Variants in PLEKHA6 observed in about 807,000 individuals in gnomAD.
PLEKHA6 encodes pleckstrin homology domain containing A6.
In PLEKHA6, 60 loss-of-function variants were observed where a neutral mutation model predicts 116.7. That is an observed-to-expected ratio of 0.51 (90% CI 0.42 to 0.64). The LOEUF (loss-of-function observed/expected upper bound fraction) is 0.64, where lower values mean the gene tolerates loss of function less well. PLEKHA6 is among the 30% of genes least tolerant of loss of function. PLEKHA6 has a pLI of 0.00. For synonymous variants in PLEKHA6, 489 were observed against 556.1 expected (o/e 0.88, Z 1.70); for missense variants, 1,338 against 1,422.7 (o/e 0.94, Z 0.96).
intron 1 of PLEKHA6, among the ~76,000 whole-genome samples, chr1:204,291,973 T>C (rs537708294): frequency 6.6e-6 from 1 of 152,306 alleles, no homozygotes; most frequent in Admixed American, 6.5e-5. Context: ...ACTGCTATTA[T>C]TGGGCACACC....
At chr1:204,243,396 C>T in intron 15 of PLEKHA6, 1 of 398,196 alleles carries the variant, frequency 2.5e-6, no homozygotes, top group Non-Finnish European at 4.4e-6. Flanking sequence ...CCACTGCACT[C>T]CCACCCGTGG....
upstream of PLEKHA6, among the ~76,000 whole-genome samples, chr1:204,362,301 G>C (rs981183404): frequency 2.0e-5 from 3 of 152,178 alleles, no homozygotes; most frequent in African/African-American, 7.2e-5. Flanking sequence ...TGGGGAAGGC[G>C]TGAGGTGGCG....
intron 1 of PLEKHA6, among the ~76,000 whole-genome samples, chr1:204,306,912 A>C (rs9787298): frequency 0.16 from 24,941 of 152,210 alleles, 2,402 homozygotes; most frequent in Non-Finnish European, 0.21. Context: ...CTCTGGATAC[A>C]CATGGGTTGT....
At chr1:204,371,178 C>T (rs918678136) in intron 2 of PLEKHA6, among the ~76,000 whole-genome samples, 3 of 152,070 alleles carry the variant, frequency 2.0e-5, no homozygotes, top group Admixed American at 6.5e-5. Flanking sequence ...CCTTCCATCA[C>T]GACATAAAAG....
At chr1:204,253,270 A>G (rs1324402593) in intron 9 of PLEKHA6, among the ~76,000 whole-genome samples, 1 of 152,094 alleles carries the variant, frequency 6.6e-6, no homozygotes. Context: ...TACAATGCCC[A>G]TTTTATGATT....
chr1:204,240,484 A>G (rs1662651201), intron 17 of PLEKHA6, among the ~76,000 whole-genome samples: 1 of 152,234 alleles, frequency 6.6e-6, no homozygotes, highest in South Asian at 2.1e-4. Flanking sequence ...GTGCATGTAT[A>G]CACTTGTGCT....
chr1:204,257,264 C>A lies in PLEKHA6; in HGVS notation c.1524+89G>T. 2 of 1,253,976 alleles carry A rather than the reference C, an allele frequency of 1.6e-6. No individual in the cohort carries two copies. The highest frequency in any genetic ancestry group is 2.3e-6 in the Non-Finnish European group (2 of 887,024). 77.7% of individuals were successfully genotyped at this position (1,253,976 alleles called of 1,614,324 possible). ...GCCCAGTGGCCCCGTGGCACAGATG[C>A]TCCCACATCTCTGCCTTTTCTCAGT... On this transcript the variant is annotated intron_variant, in intron 9 of 22. Coordinates refer to ENST00000272203, the MANE Select transcript of PLEKHA6 (RefSeq NM_014935.5). This position sits in a 1 kb window ranked among gnomAD's most constrained non-coding sequence, Gnocchi z 6.5.
At chr1:204,264,569 C>T (rs1666540800) in intron 6 of PLEKHA6, among the ~76,000 whole-genome samples, 1 of 152,148 alleles carries the variant, frequency 6.6e-6, no homozygotes, top group Admixed American at 6.5e-5. Context: ...GCTCCTGCCT[C>T]TGCCCAGAGG....
intron 1 of PLEKHA6, among the ~76,000 whole-genome samples, chr1:204,346,446 C>T (rs1303324754): frequency 1.3e-5 from 2 of 151,988 alleles, no homozygotes; most frequent in African/African-American, 4.8e-5. Flanking sequence ...TGAGCCACCA[C>T]AAATGAGCCA....
chr1:204,241,899 G>T, intron 15 of PLEKHA6, 85 bp from the exon 16 acceptor site: 1 of 1,435,034 alleles, frequency 7.0e-7, no homozygotes, highest in Middle Eastern at 1.7e-4. Context: ...GTTTTTTAAT[G>T]GTTGAAGCTC....
At chr1:204,325,781 G>T in intron 1 of PLEKHA6, 2 of 359,440 alleles carry the variant, frequency 5.6e-6, no homozygotes, top group Non-Finnish European at 7.8e-6. Flanking sequence ...AGGAGGCCTT[G>T]GCGCAAGACT....
intron 18 of PLEKHA6, among the ~76,000 whole-genome samples, chr1:204,229,678 G>C (rs1389928080): frequency 6.6e-6 from 1 of 152,214 alleles, no homozygotes; most frequent in Non-Finnish European, 1.5e-5. Flanking sequence ...GCCTCCCAAA[G>C]TGCTAGGATT....
rs760223396 is a variant in PLEKHA6 at position 204,230,499 on chromosome 1, T to A, written c.2497A>T (p.Ser833Cys). ...CTCCGCTTCTCCCTCATGGAGCCAC[T>A]CTGGTGCCGCCGCATTCGGTCAATC... Reference protein sequence around the residue: ...EQIDRMRRHQSGSMREKRRSL... With the variant: ...EQIDRMRRHQCGSMREKRRSL... Residue 833 changes from serine to cysteine, a missense_variant, in exon 18 of 23, where the codon AGT (serine) becomes TGT (cysteine). By Grantham distance (112) the Ser-to-Cys change is moderately radical. Around this residue, in one of 3 missense-constraint regions of PLEKHA6, gnomAD observed 1,136 missense variants for 1,163.6 expected, o/e 0.98. Transcript: ENST00000272203. 1 of 1,587,290 alleles carries A rather than the reference T, an allele frequency of 6.3e-7. No homozygotes were observed. Among genetic ancestry groups the A allele is most frequent in the Non-Finnish European group, 8.6e-7 (1 of 1,166,768 alleles).
At chr1:204,359,612 C>CTG in intron 1 of PLEKHA6, 82 bp downstream of exon 1, 1 of 985,326 alleles carries the variant, frequency 1.0e-6, no homozygotes, top group Non-Finnish European at 1.2e-6. Context: ...GCTCACGCGG[C>CTG]AGACAGGCAG....
At chr1:204,253,521 C>G (rs1230060765) in intron 9 of PLEKHA6, among the ~76,000 whole-genome samples, 1 of 151,596 alleles carries the variant, frequency 6.6e-6, no homozygotes, top group Non-Finnish European at 1.5e-5. Flanking sequence ...GACTCCTTCT[C>G]AAAAAAAAGA....
chr1:204,376,845 A>C (rs545651169), intron 1 of PLEKHA6, among the ~76,000 whole-genome samples: 2 of 152,212 alleles, frequency 1.3e-5, no homozygotes, highest in Admixed American at 1.3e-4. Flanking sequence ...TAGACTTGCT[A>C]TATTTCTGGA....
Position 204,270,062 on chromosome 1 carries a change from T to C in PLEKHA6, c.103-1750A>G, listed in dbSNP as rs1036904760. ...AACCTCCTCTACCTATTTTCTGAAA[T>C]GGCTGTTGCACTGTTATGGAATTAA... On this transcript the variant is annotated intron_variant, in intron 3 of 22. Transcript: ENST00000272203. 2.6e-5 allele frequency among the ~76,000 whole-genome samples: 4 copies of C among 152,344 alleles called. No homozygotes were observed. The South Asian group carries it at 8.3e-4, about 32-fold the overall frequency.
At chr1:204,321,225 T>A (rs892037157) in intron 1 of PLEKHA6, among the ~76,000 whole-genome samples, 2 of 152,112 alleles carry the variant, frequency 1.3e-5, no homozygotes, top group African/African-American at 4.8e-5. Flanking sequence ...ACCTCACAGC[T>A]AACATGCTGT....
intron 1 of PLEKHA6, among the ~76,000 whole-genome samples, chr1:204,323,926 C>T (rs1558181632): frequency 1.3e-5 from 2 of 152,138 alleles, no homozygotes; most frequent in Non-Finnish European, 1.5e-5. Context: ...AGGACCTGGG[C>T]AGACTGACTC....
Sources: gnomAD v4.1 joint callset for allele counts (sites outside exome capture counted in the v4.1 genomes callset) on GRCh38, gnomAD v4.1.1 for gene constraint, gnomAD v4.1.1 regional missense constraint, Gnocchi (gnomAD v3.1) non-coding constraint, MANE v1.5 for transcripts, NCBI Gene and HGNC (gene_info 2026-07-23, HGNC 2026-07-21) for gene names.